TIMM23: variants seen among roughly 807,000 people sequenced by gnomAD.
The protein encoded by TIMM23 is mitochondrial import inner membrane translocase subunit Tim23.
Under a neutral mutation model 30.7 loss-of-function variants are expected in TIMM23, and 19 were observed. That is an observed-to-expected ratio of 0.62 (90% CI 0.43 to 0.91). The LOEUF is 0.91. TIMM23 is among the 40% of genes least tolerant of loss of function. The pLI is 0.00. For synonymous variants in TIMM23, 78 were observed against 98.5 expected, an observed-to-expected ratio of 0.79 and a Z score of 1.23; for missense variants, 202 against 269.2, an observed-to-expected ratio of 0.75 and a Z score of 1.75.
chr10:45,999,005 G>A (rs1838433731), intron 6 of TIMM23, among the ~76,000 whole-genome samples: 1 of 151,938 alleles, frequency 6.6e-6, no homozygotes, highest in Middle Eastern at 3.4e-3. Context: ...GCTAATTTGT[G>A]TATATTTAAT....
chr10:45,995,413 A>T (rs1228039533), intron 6 of TIMM23, among the ~76,000 whole-genome samples: 125,414 of 141,572 alleles, frequency 0.89, 55,792 homozygotes, highest in East Asian at 0.96. Flanking sequence ...TGCCTATCTG[A>T]TGGGCTAGAA....
chr10:45,981,372 C>T (rs1343090450), intron 2 of TIMM23, among the ~76,000 whole-genome samples: 1 of 147,978 alleles, frequency 6.8e-6, no homozygotes, highest in Non-Finnish European at 1.5e-5. Flanking sequence ...TCTAAAAACT[C>T]AAACAAAAAG....
At chr10:45,985,581 T>C (rs1176589333) in intron 5 of TIMM23, 140 bp downstream of exon 5, 2 of 1,056,086 alleles carry the variant, frequency 1.9e-6, no homozygotes, top group African/African-American at 1.6e-5. Context: ...ATGTAGATAC[T>C]ACTTAGGGAA....
chr10:45,980,299 G>T (rs1266825217), intron 2 of TIMM23, among the ~76,000 whole-genome samples: 2 of 150,232 alleles, frequency 1.3e-5, no homozygotes, highest in South Asian at 4.2e-4. Context: ...GGGTCTCACT[G>T]TGTTGTCCAG....
intron 5 of TIMM23, among the ~76,000 whole-genome samples, chr10:45,985,685 C>CT (rs1378736040): frequency 1.3e-5 from 2 of 152,206 alleles, no homozygotes; most frequent in African/African-American, 4.8e-5. Flanking sequence ...ACTGCACACT[C>CT]TCCTTTCCAA....
chr10:45,995,231 A>G (rs1838292409), intron 6 of TIMM23, among the ~76,000 whole-genome samples: 2 of 150,608 alleles, frequency 1.3e-5, no homozygotes, highest in South Asian at 4.2e-4. Context: ...TACTACTGCA[A>G]GAAGGTCCTT....
chr10:45,972,805 T>C (rs1837533915), intron 1 of TIMM23, 75 bp downstream of exon 1: 12 of 1,571,250 alleles, frequency 7.6e-6, no homozygotes, highest in Non-Finnish European at 1.0e-5. Context: ...TCCCATGTTT[T>C]ATGTTGTTGT....
rs543214934 is a variant in TIMM23, at chr10:46,003,353, G to A, written c.*35G>A. 1.1e-5 allele frequency: 16 copies of A among 1,404,550 alleles called. No individual in the cohort carries two copies. The highest frequency in any genetic ancestry group is 8.5e-5 in the African/African-American group (6 of 70,698). 87.0% of individuals were successfully genotyped at this position (1,404,550 alleles called of 1,614,324 possible). ...CAACTCATGAATGGAGGACACTTCA[G>A]TAGTCATCTAGATCCTTTTATAAGA... On this transcript the variant is annotated 3_prime_UTR_variant, in exon 7 of 7. Transcript: ENST00000580018.
At chr10:45,997,321 A>G (rs191281878) in intron 6 of TIMM23, among the ~76,000 whole-genome samples, 5 of 50,562 alleles carry the variant, frequency 9.9e-5, no homozygotes, top group Admixed American at 5.3e-4. Context: ...ATTATGCTAA[A>G]TAGGCCATCT....
At chr10:45,982,770 T>G in intron 3 of TIMM23, 76 bp from the exon 4 acceptor site, 2 of 1,601,560 alleles carry the variant, frequency 1.2e-6, no homozygotes, top group South Asian at 1.1e-5. Flanking sequence ...GAATCAGAAG[T>G]GTAGTTATGC....
At chr10:45,988,396 A>G (rs1335536971) in intron 5 of TIMM23, among the ~76,000 whole-genome samples, 3 of 152,140 alleles carry the variant, frequency 2.0e-5, no homozygotes, top group Non-Finnish European at 2.9e-5. Context: ...CAAGACAGAA[A>G]GGTGTGGGGA....
rs1554915617 is a variant in TIMM23, at chr10:45,990,843, C to T, written c.514+1996C>T. 8.3e-4 allele frequency: 306 copies of T among 368,356 alleles called. 1 individual carries two copies. Among genetic ancestry groups the T allele is most frequent in the Non-Finnish European group, 1.2e-3 (229 of 192,520 alleles). 22.8% of individuals were successfully genotyped at this position (368,356 alleles called of 1,614,324 possible). The stretch of plus-strand genomic sequence containing the variant: ...TCCAAGAGGAAAGCTGTGTTAACTC[C>T]GCTAAGAATTGTACAAAATACGCTT... On this transcript the variant is annotated intron_variant, in intron 6 of 6. Transcript: ENST00000580018.
In TIMM23 at chr10:46,003,272, A is replaced by G. The variant is rs2083781638; in HGVS notation, c.584A>G (p.Asn195Ser). ...LTLTSLYALY[N>S]NWEHMKGSLL... ...CTTACCAGCCTCTATGCACTATATA[A>G]TAACTGGGAGCACATGAAAGGCTCC... Residue 195 changes from asparagine (N) to serine (S), a missense_variant, in exon 7 of 7, where the codon AAT becomes AGT. Asn to Ser is a conservative substitution (Grantham distance 46). Transcript: ENST00000580018. 1.2e-6 allele frequency: 2 copies of G among 1,614,058 alleles called. No individual in the cohort carries two copies. The highest frequency in any genetic ancestry group is 2.2e-5 in the East Asian group (1 of 44,896).
intron 6 of TIMM23, among the ~76,000 whole-genome samples, chr10:45,991,013 C>T (rs77752809): frequency 7.2e-5 from 11 of 152,194 alleles, no homozygotes; most frequent in Non-Finnish European, 1.5e-4. Context: ...AGCTCTGTCA[C>T]GGTCTAGTGC....
intron 6 of TIMM23, among the ~76,000 whole-genome samples, chr10:45,995,879 C>CTT (rs1207373346): frequency 7.1e-6 from 1 of 140,248 alleles, no homozygotes; most frequent in Admixed American, 7.4e-5. Context: ...TTTTACAATC[C>CTT]TTTTAAGACT....
In TIMM23 at chr10:45,974,659, G is replaced by A. The variant is rs1244309604; in HGVS notation, c.107-795G>A. Among the ~76,000 whole-genome samples the A allele has an allele frequency of 7.6e-4, 115 of 152,306 alleles. No homozygotes were observed. In the East Asian group the frequency reaches 0.011, roughly 15 times the overall value. On this transcript the variant is annotated intron_variant, in intron 1 of 6. Transcript: ENST00000580018. ...GAATTGAAGGGGTAAGAGAAAGCAA[G>A]GAGTTAGGAAATTGTTGCTGTGAGA... is the stretch of plus-strand genomic sequence containing the variant.
chr10:45,974,578 T>C (rs1400122643), intron 1 of TIMM23, among the ~76,000 whole-genome samples: 3 of 152,154 alleles, frequency 2.0e-5, no homozygotes, highest in South Asian at 2.1e-4. Context: ...TTGTAAGTTA[T>C]GGTAAGGAGT....
At chr10:45,980,165 T>A (rs1837800933) in intron 2 of TIMM23, among the ~76,000 whole-genome samples, 1 of 151,184 alleles carries the variant, frequency 6.6e-6, no homozygotes, top group African/African-American at 2.4e-5. Context: ...GAAATTACAT[T>A]TTGTAAAACT....
At chr10:45,992,477 C>G (rs1838193225) in intron 6 of TIMM23, 2 of 455,806 alleles carry the variant, frequency 4.4e-6, no homozygotes, top group Admixed American at 2.3e-5. Context: ...TGAAACTTAA[C>G]TCTTTAGAAG....
Sources: gnomAD v4.1 joint callset for allele counts (sites outside exome capture counted in the v4.1 genomes callset) on GRCh38, gnomAD v4.1.1 for gene constraint, MANE v1.5 for transcripts, NCBI Gene and HGNC (gene_info 2026-07-23, HGNC 2026-07-21) for gene names.